Variants in ZNF66 observed in about 807,000 individuals in gnomAD.
ZNF66 encodes the protein putative zinc finger protein 66.
A neutral mutation model predicts 35.2 loss-of-function variants in ZNF66; 32 were observed. The observed-to-expected ratio is 0.91, with a 90% CI of 0.69 to 1.22. The LOEUF is 1.22. Ranked by LOEUF, ZNF66 falls within the 50% of genes most tolerant of loss-of-function variation. ZNF66 has a pLI of 0.00. For missense variants in ZNF66, 666 were observed against 543.1 expected, an observed-to-expected ratio of 1.23 and a Z score of -2.25; for synonymous variants, 231 against 181.3, an observed-to-expected ratio of 1.27 and a Z score of -2.20.
chr19:20,788,430 A>G (rs967181097), intron 1 of ZNF66, among the ~76,000 whole-genome samples: 13 of 152,112 alleles, frequency 8.5e-5, no homozygotes, highest in Non-Finnish European at 1.8e-4. Flanking sequence ...TTATTTTGAG[A>G]CGGAGTCTGT....
rs1437702120 is a variant in ZNF66 at position 20,806,101 on chromosome 19, T to A, written c.501T>A (p.His167Gln). 2 of 917,404 alleles carry A rather than the reference T, an allele frequency of 2.2e-6. No individual in the cohort carries two copies. Among genetic ancestry groups the A allele is most frequent in the East Asian group, 4.8e-5 (2 of 41,846 alleles). The allele number at this position is 917,404 out of a possible 1,614,324, so 56.8% of individuals were successfully genotyped here. ...FSNTNRHKIR[H>Q]TGKNPCKFTE... ...ATACAAACAGACATAAGATAAGACATACTGGAAAAAACCCTTGCAAATTTA... is the reference window on the plus strand; with the variant it reads ...ATACAAACAGACATAAGATAAGACAAACTGGAAAAAACCCTTGCAAATTTA... Residue 167 changes from histidine to glutamine, a missense_variant, in exon 4 of 4, where the codon CAT becomes CAA. Coordinates refer to ENST00000344519, the MANE Select transcript of ZNF66 (RefSeq NM_001355197.2).
intron 1 of ZNF66, among the ~76,000 whole-genome samples, chr19:20,786,849 C>T (rs1013055126): frequency 5.9e-5 from 9 of 152,178 alleles, no homozygotes; most frequent in Admixed American, 1.3e-4. Context: ...GCAACCTCTG[C>T]CTCCTGGGTT....
chr19:20,806,074 A>G lies in ZNF66; in HGVS notation c.474A>G (p.Ser158=), dbSNP rs764703702. 30 of 864,766 alleles carry G rather than the reference A, an allele frequency of 3.5e-5. No individual in the cohort carries two copies. In the African/African-American group the frequency reaches 4.5e-4, roughly 13 times the overall value. 53.6% of individuals were successfully genotyped at this position (864,766 alleles called of 1,614,324 possible). A position where few individuals can be genotyped will look rare whatever the true frequency, so the allele number is the denominator to read the frequency against. The part of the protein sequence containing the change: ...DKHGKVFHQF[S]NTNRHKIRHT... ...ATGGGAAAGTCTTTCATCAATTTTC[A>G]AATACAAACAGACATAAGATAAGAC... The change falls in exon 4 of 4, where the codon TCA becomes TCG. Residue 158 remains serine, a synonymous_variant. Coordinates refer to ENST00000344519, the MANE Select transcript of ZNF66 (RefSeq NM_001355197.2).
chr19:20,793,327 CTTTTCTTTTTTTT>C (rs1971358542), intron 2 of ZNF66, among the ~76,000 whole-genome samples: 1 of 74,726 alleles, frequency 1.3e-5, no homozygotes, highest in Admixed American at 1.7e-4. Context: ...CTTTTCTTTT[CTTTTCTTTTTTTT>C]TTTTTTTTGA....
intron 1 of ZNF66, among the ~76,000 whole-genome samples, chr19:20,778,336 G>C (rs191377516): frequency 4.6e-5 from 7 of 152,164 alleles, no homozygotes; most frequent in Non-Finnish European, 8.8e-5. Flanking sequence ...TTCTGACCTC[G>C]TGATCTACCC....
intron 1 of ZNF66, among the ~76,000 whole-genome samples, chr19:20,785,381 A>G (rs1971278113): frequency 6.6e-6 from 1 of 152,234 alleles, no homozygotes. Flanking sequence ...TTTTTGTAGC[A>G]GAGTGAAAGC....
At chr19:20,782,065 A>G (rs1243192630) in intron 1 of ZNF66, among the ~76,000 whole-genome samples, 1 of 152,124 alleles carries the variant, frequency 6.6e-6, no homozygotes, top group Non-Finnish European at 1.5e-5. Flanking sequence ...CATCTTCCCA[A>G]GAAGCTAGGA....
intron 1 of ZNF66, among the ~76,000 whole-genome samples, chr19:20,788,672 G>C (rs1449902884): frequency 6.6e-6 from 1 of 151,886 alleles, no homozygotes; most frequent in Non-Finnish European, 1.5e-5. Context: ...TGAAGCGCTG[G>C]GATTACAGGT....
At chr19:20,788,555 C>A (rs1052450029) in intron 1 of ZNF66, among the ~76,000 whole-genome samples, 1 of 151,946 alleles carries the variant, frequency 6.6e-6, no homozygotes, top group Non-Finnish European at 1.5e-5. Context: ...CAGTTGCTGG[C>A]CACCATGCCC....
intron 1 of ZNF66, among the ~76,000 whole-genome samples, chr19:20,778,004 A>G (rs1971211666): frequency 6.6e-6 from 1 of 152,128 alleles, no homozygotes; most frequent in Non-Finnish European, 1.5e-5. Context: ...ATATCCTTTT[A>G]TTTTGATTTC....
rs1015968969 is a variant in ZNF66, at chr19:20,808,046, A to T, written c.*724A>T. On this transcript the variant is annotated 3_prime_UTR_variant, in exon 4 of 4. Transcript: ENST00000344519. ...AATTCCAATGGGCTTAAAAAATGGC[A>T]CACCAGATTATATCCTGCAGCTGGC... 6.6e-6 allele frequency among the ~76,000 whole-genome samples: 1 copy of T among 152,174 alleles called. No individual in the cohort carries two copies. Among genetic ancestry groups the T allele is most frequent in the Admixed American group, 6.5e-5 (1 of 15,274 alleles).
chr19:20,778,177 G>A (rs1394377814), intron 1 of ZNF66, among the ~76,000 whole-genome samples: 3 of 151,940 alleles, frequency 2.0e-5, no homozygotes, highest in South Asian at 2.1e-4. Flanking sequence ...CTCGGCTCAC[G>A]CAACCTCTGC....
intron 1 of ZNF66, 78 bp downstream of exon 1, chr19:20,776,528 C>T: frequency 6.9e-7 from 1 of 1,452,386 alleles, no homozygotes; most frequent in Admixed American, 1.7e-5. Flanking sequence ...GTCAGCTCCA[C>T]AATCTGCACC....
At chr19:20,776,590 C>A in intron 1 of ZNF66, 140 bp downstream of exon 1, 1 of 1,218,072 alleles carries the variant, frequency 8.2e-7, no homozygotes, top group Non-Finnish European at 1.2e-6. Context: ...CATAAGATGG[C>A]GGCTACGCTG....
In ZNF66 at chr19:20,777,112, T is replaced by C. The variant is rs1391536268; in HGVS notation, c.3+662T>C. ...CCTGGGCGACAGAGCAAGACTCTTG[T>C]CTAAAAAAAAAAAAAAAAAAAAAAA... On this transcript the variant is annotated intron_variant, in intron 1 of 3. Transcript: ENST00000344519. Among the ~76,000 whole-genome samples, 4 of 105,938 alleles carry C rather than the reference T, an allele frequency of 3.8e-5. No individual in the cohort carries two copies. In the East Asian group the frequency reaches 1.1e-3, roughly 30 times the overall value. The allele number at this position is 105,938 out of a possible 152,430, so 69.5% of individuals were successfully genotyped here.
chr19:20,780,009 G>A (rs1971231865), intron 1 of ZNF66, among the ~76,000 whole-genome samples: 1 of 152,044 alleles, frequency 6.6e-6, no homozygotes, highest in Non-Finnish European at 1.5e-5. Flanking sequence ...TACTTGGGAG[G>A]CTGAGGCAGG....
At chr19:20,793,460 C>T (rs1971361451) in intron 2 of ZNF66, among the ~76,000 whole-genome samples, 1 of 150,466 alleles carries the variant, frequency 6.6e-6, no homozygotes, top group Admixed American at 6.7e-5. Flanking sequence ...GTATGTGGGA[C>T]TACAGGCACA....
At chr19:20,783,670 T>C (rs534648016) in intron 1 of ZNF66, among the ~76,000 whole-genome samples, 9 of 152,342 alleles carry the variant, frequency 5.9e-5, no homozygotes, top group African/African-American at 2.2e-4. Context: ...GACAGAAACC[T>C]GATTATCCAA....
intron 3 of ZNF66, among the ~76,000 whole-genome samples, chr19:20,804,120 T>G (rs981855389): frequency 3.3e-5 from 5 of 152,112 alleles, no homozygotes; most frequent in Admixed American, 2.6e-4. Flanking sequence ...TATTTTTATA[T>G]CCACGATTTT....
Sources: allele counts gnomAD v4.1 joint callset (sites outside exome capture counted in the v4.1 genomes callset), GRCh38; gene constraint gnomAD v4.1.1; transcripts MANE v1.5; gene names NCBI Gene and HGNC (gene_info 2026-07-23, HGNC 2026-07-21).